Variants in SPPL2A observed in about 807,000 individuals in gnomAD.
SPPL2A encodes the protein signal peptide peptidase-like 2A.
Under a neutral mutation model 63.8 loss-of-function variants are expected in SPPL2A, and 51 were observed. That is an observed-to-expected ratio of 0.80 (90% CI 0.64 to 1.01). SPPL2A has a LOEUF of 1.01. SPPL2A is among the 50% of genes least tolerant of loss of function. SPPL2A has a pLI of 0.00. For synonymous variants in SPPL2A, 188 were observed against 205.8 expected (o/e 0.91, Z 0.74); for missense variants, 553 against 622.7 (o/e 0.89, Z 1.19).
chr15:50,713,030 A>AT, intron 14 of SPPL2A, among the ~76,000 whole-genome samples: 1 of 152,102 alleles, frequency 6.6e-6, no homozygotes, highest in East Asian at 1.9e-4. Context: ...ATCCAATCTC[A>AT]TTTTATGGAT....
intron 10 of SPPL2A, among the ~76,000 whole-genome samples, chr15:50,729,312 G>A (rs1208973764): frequency 6.6e-6 from 1 of 152,104 alleles, no homozygotes; most frequent in Non-Finnish European, 1.5e-5. Flanking sequence ...CTTTTTTTAG[G>A]TTACTATTGT....
At chr15:50,757,089 C>CTTTTTTTTTTTCTTT (rs57100103) in intron 1 of SPPL2A, among the ~76,000 whole-genome samples, 1 of 128,374 alleles carries the variant, frequency 7.8e-6, no homozygotes, top group African/African-American at 3.1e-5. Context: ...TAAATCCTTT[C>CTTTTTTTTTTTCTTT]TTTTTTTTTT....
rs1291281867 is a variant in SPPL2A at position 50,737,444 on chromosome 15, GAT to G, written c.734-706_734-705del. On this transcript the variant is annotated intron_variant, in intron 6 of 14. Coordinates refer to ENST00000261854, the MANE Select transcript of SPPL2A (RefSeq NM_032802.4). ...CTCTCAACAACAGTTTAAAATGAGT[GAT>G]ATTAACAAAATGAGTTTTTTTTTTG... Among the ~76,000 whole-genome samples the G allele has an allele frequency of 2.0e-5, 3 of 152,110 alleles. No individual in the cohort carries two copies. In the East Asian group the frequency reaches 5.8e-4, roughly 30 times the overall value.
chr15:50,764,934 A>G (rs993218923), intron 1 of SPPL2A, among the ~76,000 whole-genome samples: 15 of 152,080 alleles, frequency 9.9e-5, no homozygotes, highest in Admixed American at 9.2e-4. Flanking sequence ...AACCCTCATA[A>G]CAGAATCAAA....
intron 5 of SPPL2A, among the ~76,000 whole-genome samples, chr15:50,740,794 A>G (rs1200707555): frequency 1.3e-5 from 2 of 152,102 alleles, no homozygotes. Context: ...GTATTTTAGT[A>G]GAGACGGGGT....
chr15:50,714,147 G>A (rs1010615503), intron 14 of SPPL2A, among the ~76,000 whole-genome samples: 1 of 152,220 alleles, frequency 6.6e-6, no homozygotes, highest in Non-Finnish European at 1.5e-5. Flanking sequence ...TAGAAAGTGA[G>A]AATTTTATTA....
Position 50,749,749 on chromosome 15 carries a change from A to G in SPPL2A, c.67-3T>C. The G allele has an allele frequency of 1.3e-6, 2 of 1,594,076 alleles. No homozygotes were observed. Among genetic ancestry groups the G allele is most frequent in the Non-Finnish European group, 1.7e-6 (2 of 1,161,756 alleles). On this transcript the variant is annotated splice_polypyrimidine_tract_variant and splice_region_variant and intron_variant, in intron 1 of 14. Coordinates refer to ENST00000261854, the MANE Select transcript of SPPL2A (RefSeq NM_032802.4). ...AAGATTGCTTCCTGAGCGGCTGTCT[A>G]GGAGACAAACAATAACTTTCAAACT...
At chr15:50,756,883 C>T (rs1359504384) in intron 1 of SPPL2A, among the ~76,000 whole-genome samples, 1 of 152,086 alleles carries the variant, frequency 6.6e-6, no homozygotes, top group Non-Finnish European at 1.5e-5. Context: ...TTGAAATCTG[C>T]TGTCACTTCA....
chr15:50,757,811 C>A (rs985268819), intron 1 of SPPL2A, among the ~76,000 whole-genome samples: 14 of 151,924 alleles, frequency 9.2e-5, no homozygotes, highest in Admixed American at 2.6e-4. Context: ...TGGCGAAACC[C>A]CGTCTCTACT....
rs1191496488 is a variant in SPPL2A at position 50,747,608 on chromosome 15, A to G, written c.471T>C (p.Thr157=). Residue 157 remains threonine (T), a synonymous_variant, in exon 5 of 15, where the codon ACT becomes ACC. Transcript: ENST00000261854. ...GCCACGATGGAGAATACATTTTCAC[A>G]GTAATGTTATCTCCTAGAGTCTGAA... ...DMNQTLGDNI[T]VKMYSPSWPN... is the part of the protein sequence containing the mutation. 1.9e-6 allele frequency: 3 copies of G among 1,607,876 alleles called. No homozygotes were observed. Among genetic ancestry groups the G allele is most frequent in the Non-Finnish European group, 2.5e-6 (3 of 1,176,614 alleles).
intron 10 of SPPL2A, 66 bp from the exon 11 acceptor site, chr15:50,726,443 G>A: frequency 3.4e-6 from 5 of 1,456,804 alleles, no homozygotes; most frequent in Non-Finnish European, 3.8e-6. Flanking sequence ...CTATTCAAGT[G>A]TGATTTAAGC....
intron 1 of SPPL2A, among the ~76,000 whole-genome samples, chr15:50,758,288 C>CAA (rs1285769977): frequency 1.8e-5 from 2 of 112,928 alleles, no homozygotes; most frequent in Non-Finnish European, 3.7e-5. Context: ...GACTCCATCT[C>CAA]AAAAAAAAAA....
rs563591827 is a variant in SPPL2A at position 50,754,553 on chromosome 15, G to A, written c.67-4807C>T. ...GAATTGTTTGGTATGCAAATTATAC[G>A]TCAATAAGGATGTTGAAAAAATAAC... On this transcript the variant is annotated intron_variant, in intron 1 of 14. Coordinates refer to ENST00000261854, the MANE Select transcript of SPPL2A (RefSeq NM_032802.4). 3.9e-5 allele frequency among the ~76,000 whole-genome samples: 6 copies of A among 152,212 alleles called. No homozygotes were observed. The East Asian group carries it at 9.6e-4, about 24-fold the overall frequency.
At chr15:50,741,103 T>C (rs1472462529) in intron 5 of SPPL2A, among the ~76,000 whole-genome samples, 1 of 152,042 alleles carries the variant, frequency 6.6e-6, no homozygotes, top group Non-Finnish European at 1.5e-5. Context: ...GAGACAGAAG[T>C]CGAGGAGGAA....
chr15:50,718,729 A>C (rs1014995041), intron 14 of SPPL2A, among the ~76,000 whole-genome samples: 1 of 152,198 alleles, frequency 6.6e-6, no homozygotes, highest in Non-Finnish European at 1.5e-5. Flanking sequence ...AAATCATAGT[A>C]GTCTGTAACT....
intron 14 of SPPL2A, among the ~76,000 whole-genome samples, chr15:50,708,109 A>C (rs545879082): frequency 6.6e-6 from 1 of 152,282 alleles, no homozygotes; most frequent in South Asian, 2.1e-4. Flanking sequence ...TGTTCTCTGG[A>C]TCTTCCGTTA....
At chr15:50,764,184 A>C (rs2063037935) in intron 1 of SPPL2A, among the ~76,000 whole-genome samples, 1 of 152,244 alleles carries the variant, frequency 6.6e-6, no homozygotes, top group South Asian at 2.1e-4. Context: ...GATTCAAATG[A>C]AAATGAATGC....
intron 9 of SPPL2A, among the ~76,000 whole-genome samples, chr15:50,732,012 G>C (rs899090507): frequency 6.6e-6 from 1 of 151,670 alleles, no homozygotes; most frequent in Non-Finnish European, 1.5e-5. Flanking sequence ...CCAGCACTTT[G>C]GGAGGCCAAA....
chr15:50,719,013 T>A (rs1174914565), intron 14 of SPPL2A, among the ~76,000 whole-genome samples: 1 of 151,880 alleles, frequency 6.6e-6, no homozygotes, highest in East Asian at 1.9e-4. Flanking sequence ...TAGGCTAGGG[T>A]TTCCCAACTC....
Sources: gnomAD v4.1 joint callset for allele counts (sites outside exome capture counted in the v4.1 genomes callset) on GRCh38, gnomAD v4.1.1 for gene constraint, MANE v1.5 for transcripts, NCBI Gene and HGNC (gene_info 2026-07-23, HGNC 2026-07-21) for gene names.